The following BHLHA15 variants were observed in gnomAD, a reference collection of about 807,000 sequenced individuals.
BHLHA15 encodes class A basic helix-loop-helix protein 15.
A neutral mutation model predicts 10.4 loss-of-function variants in BHLHA15; 7 were observed. The ratio of observed to expected loss-of-function variants is 0.67; its 90% CI spans 0.38 to 1.26. The LOEUF (loss-of-function observed/expected upper bound fraction) is 1.26, where lower values mean the gene tolerates loss of function less well. Ranked by LOEUF, BHLHA15 falls within the 50% of genes most tolerant of loss-of-function variation. The probability of loss-of-function intolerance (pLI) is 0.02; values close to 1 mark genes in which losing one functional copy is unlikely to be tolerated. For missense variants in BHLHA15, 289 were observed against 287.4 expected (o/e 1.01, Z -0.04); for synonymous variants, 140 against 131.5 (o/e 1.06, Z -0.44).
rs967884679 is a variant in BHLHA15, at chr7:98,212,981, C to T, written c.*102C>T. 1.8e-6 allele frequency: 2 copies of T among 1,099,416 alleles called. No homozygotes were observed. The highest frequency in any genetic ancestry group is 1.6e-5 in the African/African-American group (1 of 62,232). 68.1% of individuals were successfully genotyped at this position (1,099,416 alleles called of 1,614,324 possible). ...CGAGCCCCAGATGGGCGGTGACACC[C>T]CACAAGGACACGGCCTCAGCGGTTC... On this transcript the variant is annotated 3_prime_UTR_variant, in exon 2 of 2. Transcript: ENST00000609256.
chr7:98,212,435 G>A lies in BHLHA15; in HGVS notation c.126G>A (p.Arg42=). 1.3e-6 allele frequency: 2 copies of A among 1,519,188 alleles called. No homozygotes were observed. Among genetic ancestry groups the A allele is most frequent in the South Asian group, 2.5e-5 (2 of 81,276 alleles). 94.1% of individuals were successfully genotyped at this position (1,519,188 alleles called of 1,614,324 possible). Residue 42 remains arginine, a synonymous_variant, in exon 2 of 2, where the codon CGG becomes CGA. Coordinates refer to ENST00000609256, the MANE Select transcript of BHLHA15 (RefSeq NM_177455.4). The stretch of plus-strand genomic sequence containing the variant: ...GGCCAGAGCCGGCCAAGGGTCTGCG[G>A]AGCCGGCCGGCCCGGGCCGCAGCAA... ...NPGPEPAKGL[R]SRPARAAARA...
rs1471624174 is a variant in BHLHA15, at chr7:98,212,687, G to A, written c.378G>A (p.Ser126=). The A allele has an allele frequency of 1.3e-6, 2 of 1,574,008 alleles. No homozygotes were observed. Among genetic ancestry groups the A allele is most frequent in the Non-Finnish European group, 1.7e-6 (2 of 1,160,674 alleles). Residue 126 remains serine, a synonymous_variant, in exon 2 of 2, where the codon TCG becomes TCA. Coordinates refer to ENST00000609256, the MANE Select transcript of BHLHA15 (RefSeq NM_177455.4). ...TLTLAKNYIK[S]LTATILTMSS... Reference sequence around the variant, plus strand: ...CGCTGGCCAAGAACTACATCAAATCGCTGACGGCCACCATCCTGACCATGT... The same window carrying A: ...CGCTGGCCAAGAACTACATCAAATCACTGACGGCCACCATCCTGACCATGT...
At position 98,214,543 on chromosome 7, in the gene BHLHA15, G is replaced by C. The variant is rs74438898; in HGVS notation, c.*1664G>C. The C allele has an allele frequency of 6.6e-6, 1 of 152,078 alleles. No homozygotes were observed. The highest frequency in any genetic ancestry group is 2.1e-4 in the South Asian group (1 of 4,826). 9.4% of individuals were successfully genotyped at this position (152,078 alleles called of 1,614,324 possible). A position where few individuals can be genotyped will look rare whatever the true frequency, so the allele number is the denominator to read the frequency against. On this transcript the variant is annotated 3_prime_UTR_variant, in exon 2 of 2. Coordinates refer to ENST00000609256, the MANE Select transcript of BHLHA15 (RefSeq NM_177455.4). Reference sequence around the variant, plus strand: ...CCCTGCTGTGGGGCACCTGCCCAGCGGGGACATGAGATGACAGAGACCTCC... The same window carrying C: ...CCCTGCTGTGGGGCACCTGCCCAGCCGGGACATGAGATGACAGAGACCTCC...
At position 98,212,457 on chromosome 7, in the gene BHLHA15, G is replaced by A; in HGVS notation, c.148G>A (p.Ala50Thr). 1.3e-6 allele frequency: 2 copies of A among 1,540,448 alleles called. No homozygotes were observed. Among genetic ancestry groups the A allele is most frequent in the South Asian group, 2.4e-5 (2 of 83,488 alleles). Residue 50 changes from alanine (A) to threonine (T), a missense_variant, in exon 2 of 2, where the codon GCA becomes ACA. Ala to Thr is a moderately conservative substitution (Grantham distance 58). Coordinates refer to ENST00000609256, the MANE Select transcript of BHLHA15 (RefSeq NM_177455.4). ...GCGGAGCCGGCCGGCCCGGGCCGCA[G>A]CAAGGGCTCCGGGCGAGGGCAGGCG... is the stretch of plus-strand genomic sequence containing the variant. ...GLRSRPARAA[A>T]RAPGEGRRRR...
intron 1 of BHLHA15, 25 bp from the exon 2 acceptor site, chr7:98,212,231 G>C: frequency 7.9e-7 from 1 of 1,264,372 alleles, no homozygotes; most frequent in Non-Finnish European, 1.0e-6. Context: ...GGTGACCACA[G>C]AGTGTCCTGT....
Position 98,212,330 on chromosome 7 carries a change from C to A in BHLHA15, c.21C>A (p.Pro7=). ...GGGCCATGAAGACCAAGAACCGGCC[C>A]CCACGGCGCCGGGCCCCGGTGCAGG... The part of the protein sequence containing the change: MKTKNR[P]PRRRAPVQDT... Residue 7 remains proline (P), a synonymous_variant, in exon 2 of 2, where the codon CCC becomes CCA. Coordinates refer to ENST00000609256, the MANE Select transcript of BHLHA15 (RefSeq NM_177455.4). 7.3e-7 allele frequency: 1 copy of A among 1,375,286 alleles called. No homozygotes were observed. Among genetic ancestry groups the A allele is most frequent in the East Asian group, 2.9e-5 (1 of 34,050 alleles). 85.2% of individuals were successfully genotyped at this position (1,375,286 alleles called of 1,614,324 possible).
rs968405302 is a variant in BHLHA15, at chr7:98,213,521, C to T, written c.*642C>T. ...GCTGGAGTCTCTTCCTCCCTCCTCC[C>T]AAGTTGGGGCTCCTGGATGTGTTGA... On this transcript the variant is annotated 3_prime_UTR_variant, in exon 2 of 2. Coordinates refer to ENST00000609256, the MANE Select transcript of BHLHA15 (RefSeq NM_177455.4). 6.6e-6 allele frequency among the ~76,000 whole-genome samples: 1 copy of T among 152,220 alleles called. No individual in the cohort carries two copies. The highest frequency in any genetic ancestry group is 2.4e-5 in the African/African-American group (1 of 41,466).
rs1336313153 is a variant in BHLHA15, at chr7:98,211,638, G to A, written c.-55+140G>A. The stretch of plus-strand genomic sequence containing the variant: ...TCTGGTCTGTCTGGAGGCTCCACGG[G>A]GCCCATCCACGTGGTGGGATTGGGG... On this transcript the variant is annotated intron_variant, in intron 1 of 1. Transcript: ENST00000609256. The A allele has an allele frequency of 3.9e-5, 6 of 152,764 alleles. 1 individual carries two copies. Among genetic ancestry groups the A allele is most frequent in the Admixed American group, 3.9e-4 (6 of 15,308 alleles). 9.5% of individuals were successfully genotyped at this position (152,764 alleles called of 1,614,324 possible).
At position 98,213,737 on chromosome 7, in the gene BHLHA15, G is replaced by A. The variant is rs997589337; in HGVS notation, c.*858G>A. On this transcript the variant is annotated 3_prime_UTR_variant, in exon 2 of 2. Transcript: ENST00000609256. ...CTCAGCCCTGGCCTGTGTGGGGAGCGAGTGTGCCCCCCACCCAGCCCCTGC... is the reference window on the plus strand; with the variant it reads ...CTCAGCCCTGGCCTGTGTGGGGAGCAAGTGTGCCCCCCACCCAGCCCCTGC... Among the ~76,000 whole-genome samples the A allele has an allele frequency of 4.6e-5, 7 of 152,204 alleles. No homozygotes were observed. Among genetic ancestry groups the A allele is most frequent in the Non-Finnish European group, 5.9e-5 (4 of 68,028 alleles).
chr7:98,212,385 C>A lies in BHLHA15; in HGVS notation c.76C>A (p.Pro26Thr). The part of the protein sequence containing the change: ...DTEATPGEGT[P>T]DGSLPNPGPE... ...AGAGGCCACCCCCGGGGAGGGGACG[C>A]CCGACGGGTCCCTGCCGAACCCGGG... Residue 26 changes from proline (P) to threonine (T), a missense_variant, in exon 2 of 2, where the codon CCC becomes ACC. Transcript: ENST00000609256. 6.9e-7 allele frequency: 1 copy of A among 1,453,112 alleles called. No homozygotes were observed. The highest frequency in any genetic ancestry group is 9.1e-7 in the Non-Finnish European group (1 of 1,104,450). 90.0% of individuals were successfully genotyped at this position (1,453,112 alleles called of 1,614,324 possible).
rs2116504987 is a variant in BHLHA15, at chr7:98,213,115, C to T, written c.*236C>T. ...GTGGCCCTGGACAGCGGCGTGAGGC[C>T]CAAACCTCTAGGTAGGGCCCAGTTG... On this transcript the variant is annotated 3_prime_UTR_variant, in exon 2 of 2. Coordinates refer to ENST00000609256, the MANE Select transcript of BHLHA15 (RefSeq NM_177455.4). The T allele has an allele frequency of 9.6e-6, 5 of 519,432 alleles. No individual in the cohort carries two copies. The South Asian group carries it at 1.4e-4, about 15-fold the overall frequency. 32.2% of individuals were successfully genotyped at this position (519,432 alleles called of 1,614,324 possible). A position where few individuals can be genotyped will look rare whatever the true frequency, so the allele number is the denominator to read the frequency against.
At position 98,213,783 on chromosome 7, in the gene BHLHA15, A is replaced by G. The variant is rs1412154930; in HGVS notation, c.*904A>G. Among the ~76,000 whole-genome samples the G allele has an allele frequency of 6.6e-6, 1 of 152,094 alleles. No homozygotes were observed. The highest frequency in any genetic ancestry group is 1.9e-4 in the East Asian group (1 of 5,176). On this transcript the variant is annotated 3_prime_UTR_variant, in exon 2 of 2. Coordinates refer to ENST00000609256, the MANE Select transcript of BHLHA15 (RefSeq NM_177455.4). ...CCTGCCACCGCCGTTACTTATTCTC[A>G]CTGATGTGGGGTTATCATATAATTG...
rs1797950342 is a variant in BHLHA15 at position 98,214,174 on chromosome 7, C to G, written c.*1295C>G. Among the ~76,000 whole-genome samples the G allele has an allele frequency of 6.8e-6, 1 of 146,974 alleles. No individual in the cohort carries two copies. ...CCCGTCCCCACCAGGTGGCCCTGCCCTCCCCAAGTTGGGGGTTGTGGCACT... is the reference window on the plus strand; with the variant it reads ...CCCGTCCCCACCAGGTGGCCCTGCCGTCCCCAAGTTGGGGGTTGTGGCACT... On this transcript the variant is annotated 3_prime_UTR_variant, in exon 2 of 2. Coordinates refer to ENST00000609256, the MANE Select transcript of BHLHA15 (RefSeq NM_177455.4).
chr7:98,215,349 C>G lies in BHLHA15; in HGVS notation c.*2470C>G, dbSNP rs1438419936. 6.6e-6 allele frequency: 1 copy of G among 152,252 alleles called. No homozygotes were observed. Among genetic ancestry groups the G allele is most frequent in the Non-Finnish European group, 1.5e-5 (1 of 68,042 alleles). The allele number at this position is 152,252 out of a possible 1,614,324, so 9.4% of individuals were successfully genotyped here. A position where few individuals can be genotyped will look rare whatever the true frequency, so the allele number is the denominator to read the frequency against. On this transcript the variant is annotated 3_prime_UTR_variant, in exon 2 of 2. Transcript: ENST00000609256. ...TGTGCTGAAAATGTTTCTCAAATGA[C>G]CCAAATTGGCTCTTATTTTTTCTAA...
At position 98,212,461 on chromosome 7, in the gene BHLHA15, G is replaced by A. The variant is rs1426422499; in HGVS notation, c.152G>A (p.Arg51Lys). Residue 51 changes from arginine (R) to lysine (K), a missense_variant, in exon 2 of 2, where the codon AGG becomes AAG. Arg to Lys is a conservative substitution (Grantham distance 26). Transcript: ENST00000609256. ...AGCCGGCCGGCCCGGGCCGCAGCAA[G>A]GGCTCCGGGCGAGGGCAGGCGCAGG... is the stretch of plus-strand genomic sequence containing the variant. Reference protein sequence around the residue: ...LRSRPARAAARAPGEGRRRRP... With the variant: ...LRSRPARAAAKAPGEGRRRRP... 2 of 1,541,676 alleles carry A rather than the reference G, an allele frequency of 1.3e-6. No individual in the cohort carries two copies. The highest frequency in any genetic ancestry group is 1.4e-5 in the African/African-American group (1 of 72,532).
Position 98,211,690 on chromosome 7 carries a change from G to C in BHLHA15, c.-55+192G>C, listed in dbSNP as rs1469915879. Among the ~76,000 whole-genome samples the C allele has an allele frequency of 2.6e-5, 4 of 152,242 alleles. No homozygotes were observed. In the East Asian group the frequency reaches 5.8e-4, roughly 22 times the overall value. On this transcript the variant is annotated intron_variant, in intron 1 of 1. Transcript: ENST00000609256. ...CTGCCGCCAGGCCCTGGCCATTGCC[G>C]ACCTCTGACCTCCACGGCTGCCCCA... is the stretch of plus-strand genomic sequence containing the variant.
rs1797924775 is a variant in BHLHA15 at position 98,212,599 on chromosome 7, C to A, written c.290C>A (p.Ala97Asp). Residue 97 changes from alanine to aspartate, a missense_variant, in exon 2 of 2, where the codon GCC (alanine) becomes GAC (aspartate). Coordinates refer to ENST00000609256, the MANE Select transcript of BHLHA15 (RefSeq NM_177455.4). ...CACAAGCTAAATAACGCCTTCCAGGCCCTGCGTGAAGTCATCCCCCACGTG... is the reference window on the plus strand; with the variant it reads ...CACAAGCTAAATAACGCCTTCCAGGACCTGCGTGAAGTCATCCCCCACGTG... ...RMHKLNNAFQALREVIPHVRA... is the reference protein window; with the variant it reads ...RMHKLNNAFQDLREVIPHVRA... The A allele has an allele frequency of 1.9e-6, 3 of 1,607,294 alleles. No homozygotes were observed. Among genetic ancestry groups the A allele is most frequent in the Admixed American group, 1.7e-5 (1 of 59,188 alleles).
chr7:98,214,078 C>A lies in BHLHA15; in HGVS notation c.*1199C>A, dbSNP rs1209443397. ...CCCTCATGCCTCTGCCCAGAGATGTCCCAAAGGCCCTCAGGGCCAAGCCGG... is the reference window on the plus strand; with the variant it reads ...CCCTCATGCCTCTGCCCAGAGATGTACCAAAGGCCCTCAGGGCCAAGCCGG... On this transcript the variant is annotated 3_prime_UTR_variant, in exon 2 of 2. Transcript: ENST00000609256. Among the ~76,000 whole-genome samples the A allele has an allele frequency of 6.6e-6, 1 of 152,216 alleles. No individual in the cohort carries two copies. Among genetic ancestry groups the A allele is most frequent in the Admixed American group, 6.5e-5 (1 of 15,288 alleles).
In BHLHA15 at chr7:98,212,542, T is replaced by C; in HGVS notation, c.233T>C (p.Leu78Pro). Residue 78 changes from leucine to proline, a missense_variant, in exon 2 of 2, where the codon CTG becomes CCG. Transcript: ENST00000609256. ...CGTGACAGCAGCATCCAGCGGCGGC[T>C]GGAGAGCAACGAGAGGGAGCGGCAG... ...GRRDSSIQRR[L>P]ESNERERQRM... is the part of the protein sequence containing the mutation. The C allele has an allele frequency of 6.3e-7, 1 of 1,595,906 alleles. No individual in the cohort carries two copies. Among genetic ancestry groups the C allele is most frequent in the Non-Finnish European group, 8.5e-7 (1 of 1,173,926 alleles).
Sources: allele counts gnomAD v4.1 joint callset (sites outside exome capture counted in the v4.1 genomes callset), GRCh38; gene constraint gnomAD v4.1.1; transcripts MANE v1.5; gene names NCBI Gene and HGNC (gene_info 2026-07-23, HGNC 2026-07-21).